TTI1: variants seen among roughly 807,000 people sequenced by gnomAD.
The protein encoded by TTI1 is TELO2 interacting protein 1, also known as TELO2-interacting protein 1 homolog.
A neutral mutation model predicts 85.4 loss-of-function variants in TTI1; 52 were observed. The observed-to-expected ratio is 0.61, with a 90% CI of 0.49 to 0.77. TTI1 has a LOEUF of 0.77. Among genes scored for constraint, TTI1 ranks in the 30% least tolerant of loss-of-function variants. The pLI, the probability that TTI1 is intolerant of heterozygous loss-of-function variation, is 0.00. For synonymous variants in TTI1, 512 were observed against 503.9 expected (o/e 1.02, Z -0.22); for missense variants, 1,173 against 1,296.0 (o/e 0.91, Z 1.46).
At chr20:38,008,428 A>G (rs2073533889) in intron 2 of TTI1, among the ~76,000 whole-genome samples, 1 of 152,248 alleles carries the variant, frequency 6.6e-6, no homozygotes, top group South Asian at 2.1e-4. Context: ...GTGATGGAAT[A>G]CTATGCAGCC....
rs757713265 is a variant in TTI1, at chr20:37,999,219, T to C, written c.2762A>G (p.Asp921Gly). 3.7e-5 allele frequency: 55 copies of C among 1,502,578 alleles called. No individual in the cohort carries two copies. Among genetic ancestry groups the C allele is most frequent in the Non-Finnish European group, 4.7e-5 (53 of 1,123,572 alleles). The allele number at this position is 1,502,578 out of a possible 1,614,324, so 93.1% of individuals were successfully genotyped here. Residue 921 changes from aspartate to glycine, a missense_variant, in exon 5 of 8, where the codon GAC becomes GGC. Coordinates refer to ENST00000373447, the MANE Select transcript of TTI1 (RefSeq NM_001303457.2). ...GGCTCTAAGCACTGCCAGGGGGGCG[T>C]CCCGTGTGAGTCGGTGAACGAGCGA... ...WPSLVHRLTR[D>G]APLAVLRAFK...
At chr20:38,032,130 T>C (rs182073274) in intron 1 of TTI1, among the ~76,000 whole-genome samples, 1 of 152,314 alleles carries the variant, frequency 6.6e-6, no homozygotes, top group Non-Finnish European at 1.5e-5. Flanking sequence ...CCCTCAAGTC[T>C]TAGTAATGTG....
At chr20:38,004,518 T>C (rs1379198783) in intron 3 of TTI1, among the ~76,000 whole-genome samples, 1 of 152,224 alleles carries the variant, frequency 6.6e-6, no homozygotes, top group East Asian at 1.9e-4. Flanking sequence ...AAGGTGCTTT[T>C]ATGTGCTTAA....
intron 1 of TTI1, among the ~76,000 whole-genome samples, chr20:38,033,021 A>G (rs2073938500): frequency 6.6e-6 from 1 of 152,204 alleles, no homozygotes; most frequent in Non-Finnish European, 1.5e-5. Context: ...AAGAGCCGAG[A>G]GCCCAAATGT....
chr20:37,999,246 G>T lies in TTI1; in HGVS notation c.2735C>A (p.Pro912His). The T allele has an allele frequency of 6.5e-7, 1 of 1,531,932 alleles. No individual in the cohort carries two copies. The highest frequency in any genetic ancestry group is 8.8e-7 in the Non-Finnish European group (1 of 1,137,058). The allele number at this position is 1,531,932 out of a possible 1,614,324, so 94.9% of individuals were successfully genotyped here. The change falls in exon 5 of 8, where the codon CCC becomes CAC. Residue 912 changes from proline to histidine, a missense_variant. Pro to His is a moderately conservative substitution (Grantham distance 77, BLOSUM62 -2). Transcript: ENST00000373447. ...QLLPLAHQAW[P>H]SLVHRLTRDA... is the part of the protein sequence containing the mutation. The stretch of plus-strand genomic sequence containing the variant: ...CCGTGTGAGTCGGTGAACGAGCGAG[G>T]GCCAGGCCTGATGAGCCAAGGGAAG...
At chr20:38,016,650 C>T (rs2073687097) in intron 1 of TTI1, among the ~76,000 whole-genome samples, 1 of 152,212 alleles carries the variant, frequency 6.6e-6, no homozygotes, top group Non-Finnish European at 1.5e-5. Flanking sequence ...CAATTCCACC[C>T]CTTTGACACC....
intron 2 of TTI1, among the ~76,000 whole-genome samples, chr20:38,010,591 T>C (rs1568620864): frequency 6.6e-6 from 1 of 151,120 alleles, no homozygotes; most frequent in Non-Finnish European, 1.5e-5. Flanking sequence ...CTGCCTCAGC[T>C]TCCCAAGTAG....
At chr20:37,999,054 TTA>T in intron 5 of TTI1, 132 bp downstream of exon 5, 1 of 1,064,422 alleles carries the variant, frequency 9.4e-7, no homozygotes. Flanking sequence ...TGTGCTTTTC[TTA>T]TGTTTCTATA....
intron 3 of TTI1, among the ~76,000 whole-genome samples, chr20:38,004,745 G>A (rs181332248): frequency 3.3e-5 from 5 of 152,284 alleles, no homozygotes; most frequent in South Asian, 2.1e-4. Context: ...TCTGCTCTAC[G>A]TGAACATCAA....
At chr20:38,024,795 C>T (rs1414516409) in intron 1 of TTI1, among the ~76,000 whole-genome samples, 1 of 152,154 alleles carries the variant, frequency 6.6e-6, no homozygotes, top group Non-Finnish European at 1.5e-5. Flanking sequence ...TAGGAGCAGG[C>T]ATTCCATCCC....
chr20:37,992,478 T>G (rs1251267045), intron 7 of TTI1, among the ~76,000 whole-genome samples: 1 of 152,200 alleles, frequency 6.6e-6, no homozygotes, highest in African/African-American at 2.4e-5. Flanking sequence ...GGTTTCGCTA[T>G]GTTGCCCAGG....
chr20:37,986,534 G>A (rs925142213), intron 7 of TTI1, among the ~76,000 whole-genome samples: 1 of 152,146 alleles, frequency 6.6e-6, no homozygotes, highest in Non-Finnish European at 1.5e-5. Context: ...GCTTTTAAAG[G>A]GGCAGATGCC....
At position 38,013,828 on chromosome 20, in the gene TTI1, C is replaced by A. The variant is rs1264224584; in HGVS notation, c.-12G>T. The A allele has an allele frequency of 7.5e-6, 12 of 1,599,246 alleles. No individual in the cohort carries two copies. Among genetic ancestry groups the A allele is most frequent in the Non-Finnish European group, 8.5e-6 (10 of 1,173,120 alleles). ...TCAAAAACTGCCATTGTGCAGCAGC[C>A]TTCCCCTCATTGAGGAAACATCCTG... On this transcript the variant is annotated 5_prime_UTR_variant, in exon 2 of 8. In the 5' UTR this introduces an upstream ATG that the reference lacks. Coordinates refer to ENST00000373447, the MANE Select transcript of TTI1 (RefSeq NM_001303457.2).
intron 2 of TTI1, among the ~76,000 whole-genome samples, chr20:38,008,833 T>G (rs947049532): frequency 6.6e-6 from 1 of 152,206 alleles, no homozygotes; most frequent in Non-Finnish European, 1.5e-5. Context: ...TACTACTTCC[T>G]GTTCAAAAAG....
In TTI1 at chr20:38,012,285, A is replaced by G; in HGVS notation, c.1532T>C (p.Leu511Pro). 6.2e-7 allele frequency: 1 copy of G among 1,614,224 alleles called. No individual in the cohort carries two copies. The highest frequency in any genetic ancestry group is 8.5e-7 in the Non-Finnish European group (1 of 1,180,044). ...CCGGTAAACCACAGATTGATGGTAAAGTTCCATAAAGTGATCCACAAGCAA... is the reference window on the plus strand; with the variant it reads ...CCGGTAAACCACAGATTGATGGTAAGGTTCCATAAAGTGATCCACAAGCAA... ...LYLLVDHFME[L>P]YHQSVVYRKQ... The change falls in exon 2 of 8, where the codon CTT (leucine) becomes CCT (proline). Residue 511 changes from leucine (L) to proline (P), a missense_variant. Transcript: ENST00000373447.
intron 7 of TTI1, among the ~76,000 whole-genome samples, chr20:37,985,792 T>C (rs2073183041): frequency 6.6e-6 from 1 of 152,126 alleles, no homozygotes; most frequent in South Asian, 2.1e-4. Context: ...CCTCCCAAAG[T>C]GTAGGATTAC....
At chr20:38,022,506 T>C (rs2073783290) in intron 1 of TTI1, among the ~76,000 whole-genome samples, 1 of 152,226 alleles carries the variant, frequency 6.6e-6, no homozygotes, top group Non-Finnish European at 1.5e-5. Flanking sequence ...GCTCATTGAA[T>C]TAGTGGTCAT....
chr20:38,009,418 T>C (rs961750004), intron 2 of TTI1, among the ~76,000 whole-genome samples: 12 of 152,282 alleles, frequency 7.9e-5, no homozygotes, highest in African/African-American at 2.9e-4. Context: ...TCCAACTTCA[T>C]CTTGCAACAC....
chr20:37,997,383 CT>C (rs1476248482), intron 5 of TTI1, among the ~76,000 whole-genome samples: 1 of 152,264 alleles, frequency 6.6e-6, no homozygotes, highest in East Asian at 1.9e-4. Flanking sequence ...TATGGTCCAG[CT>C]GCTGCCACAT....
Sources: gnomAD v4.1 joint callset for allele counts (sites outside exome capture counted in the v4.1 genomes callset) on GRCh38, gnomAD v4.1.1 for gene constraint, MANE v1.5 for transcripts, NCBI Gene and HGNC (gene_info 2026-07-23, HGNC 2026-07-21) for gene names.